MX1: variants seen among roughly 807,000 people sequenced by gnomAD.
MX1 encodes the protein interferon-induced GTP-binding protein Mx1.
Under a neutral mutation model 66.4 loss-of-function variants are expected in MX1, and 66 were observed. The ratio of observed to expected loss-of-function variants is 0.99; its 90% CI spans 0.82 to 1.22. The LOEUF (loss-of-function observed/expected upper bound fraction) is 1.22. MX1 is among the 50% of genes most tolerant of loss of function. The probability of loss-of-function intolerance (pLI) is 0.00; values close to 1 mark genes in which losing one functional copy is unlikely to be tolerated. For missense variants in MX1, 787 were observed against 834.3 expected (o/e 0.94, Z 0.70); for synonymous variants, 311 against 318.1 (o/e 0.98, Z 0.24).
intron 5 of MX1, among the ~76,000 whole-genome samples, chr21:41,433,624 G>A (rs1384411071): frequency 1.3e-5 from 2 of 152,102 alleles, no homozygotes; most frequent in African/African-American, 4.8e-5. Context: ...ATACCATTGT[G>A]GGAAAAACAT....
chr21:41,435,985 C>T lies in MX1; in HGVS notation c.254C>T (p.Ser85Phe). ...VIGDQSSGKS[S>F]VLEALSGVAL... is the part of the protein sequence containing the mutation. ...GGGGACCAGAGCTCGGGCAAGAGCT[C>T]CGTGTTGGAGGCACTGTCAGGAGTT... The change falls in exon 6 of 17, where the codon TCC becomes TTC. Residue 85 changes from serine (S) to phenylalanine (F), a missense_variant. By Grantham distance (155) the Ser-to-Phe change is radical (BLOSUM62 -2). Transcript: ENST00000398598. 2 of 1,614,246 alleles carry T rather than the reference C, an allele frequency of 1.2e-6. No individual in the cohort carries two copies. Among genetic ancestry groups the T allele is most frequent in the Non-Finnish European group, 1.7e-6 (2 of 1,180,042 alleles).
chr21:41,421,162 G>A (rs532643586), intron 1 of MX1, among the ~76,000 whole-genome samples: 81 of 152,202 alleles, frequency 5.3e-4, no homozygotes, highest in Non-Finnish European at 7.9e-4. Flanking sequence ...ACAGGGTAAA[G>A]AATCAAGTGC....
intron 16 of MX1, among the ~76,000 whole-genome samples, chr21:41,456,046 A>G (rs1430479873): frequency 2.0e-5 from 3 of 152,210 alleles, no homozygotes; most frequent in Non-Finnish European, 2.9e-5. Context: ...GTTTGAGACC[A>G]GCCTGGCCAA....
In MX1 at chr21:41,449,119, T is replaced by G. The variant is rs765175891; in HGVS notation, c.1274-18T>G. 45 of 1,555,998 alleles carry G rather than the reference T, an allele frequency of 2.9e-5. No homozygotes were observed. The highest frequency in any genetic ancestry group is 1.4e-4 in the East Asian group (6 of 43,380). On this transcript the variant is annotated intron_variant, in intron 13 of 16. Coordinates refer to ENST00000398598, the MANE Select transcript of MX1 (RefSeq NM_002462.5). ...TATTTTTGTAAAATAATTTAGAGGG[T>G]TTTTTTTCCTGCTATAGGCCATAAA...
At chr21:41,423,906 T>C (rs930473985), upstream of MX1, among the ~76,000 whole-genome samples, 2 of 152,240 alleles carry the variant, frequency 1.3e-5, no homozygotes, top group African/African-American at 2.4e-5. Context: ...CTGTGTTTCC[T>C]GGGCAGGGCG....
At chr21:41,421,461 G>A (rs1440960489), upstream of MX1, 4 of 154,894 alleles carry the variant, frequency 2.6e-5, no homozygotes, top group East Asian at 1.9e-4. Flanking sequence ...CCCTTCCCAC[G>A]AGGCCGTATT....
At chr21:41,445,765 G>A (rs976365791) in intron 12 of MX1, 195 bp downstream of exon 12, 2 of 837,994 alleles carry the variant, frequency 2.4e-6, no homozygotes, top group South Asian at 3.6e-5. Flanking sequence ...CAGCAGCGAG[G>A]GATGCTCAGG....
chr21:41,449,375 C>A, intron 14 of MX1, 80 bp downstream of exon 14: 3 of 1,457,148 alleles, frequency 2.1e-6, no homozygotes, highest in Non-Finnish European at 2.8e-6. Context: ...CAAACTTCAG[C>A]ACTTTCCTCC....
chr21:41,443,984 G>A, intron 11 of MX1, 118 bp downstream of exon 11: 1 of 981,820 alleles, frequency 1.0e-6, no homozygotes, highest in Non-Finnish European at 1.6e-6. Context: ...TTGTTAAGAT[G>A]CAGTTTCAGA....
chr21:41,434,399 TC>T (rs1489475319), intron 5 of MX1, among the ~76,000 whole-genome samples: 1 of 152,256 alleles, frequency 6.6e-6, no homozygotes, highest in Non-Finnish European at 1.5e-5. Flanking sequence ...TTCTTCTTTT[TC>T]AAAGTCATTT....
intron 8 of MX1, 45 bp downstream of exon 8, chr21:41,439,893 G>T (rs2090459792): frequency 3.8e-6 from 6 of 1,570,080 alleles, no homozygotes; most frequent in Non-Finnish European, 4.4e-6. Context: ...GCGTGGGGAT[G>T]GGGGAGTGGA....
upstream of MX1, chr21:41,422,653 A>T (rs1217575913): frequency 2.6e-5 from 4 of 152,222 alleles, no homozygotes; most frequent in African/African-American, 9.7e-5. Context: ...TGGTAGGAAA[A>T]AAAAAAGAGT....
chr21:41,421,148 A>G (rs148100276), intron 1 of MX1, among the ~76,000 whole-genome samples: 1 of 152,344 alleles, frequency 6.6e-6, no homozygotes, highest in African/African-American at 2.4e-5. Flanking sequence ...TCTTTGCATC[A>G]TAGACAGGGT....
At chr21:41,445,857 A>T in intron 12 of MX1, 143 bp from the exon 13 acceptor site, 1 of 1,107,886 alleles carries the variant, frequency 9.0e-7, no homozygotes, top group East Asian at 2.6e-5. Context: ...TAGTGCCAAA[A>T]CCTCTTCTTT....
intron 14 of MX1, among the ~76,000 whole-genome samples, chr21:41,450,018 G>C (rs1346580284): frequency 1.3e-5 from 2 of 152,170 alleles, no homozygotes; most frequent in African/African-American, 4.8e-5. Flanking sequence ...TACTCCTAAG[G>C]CTGGACATTC....
chr21:41,447,297 C>T (rs2090691017), intron 13 of MX1, among the ~76,000 whole-genome samples: 1 of 152,134 alleles, frequency 6.6e-6, no homozygotes, highest in Admixed American at 6.6e-5. Flanking sequence ...CCCTAGTGAC[C>T]TGATTTCAAT....
intron 16 of MX1, among the ~76,000 whole-genome samples, chr21:41,456,725 C>T (rs1384320264): frequency 6.6e-6 from 1 of 151,784 alleles, no homozygotes; most frequent in Non-Finnish European, 1.5e-5. Context: ...CCACACTGGC[C>T]GCTTTAGTCT....
intron 16 of MX1, among the ~76,000 whole-genome samples, chr21:41,456,328 TCTGCCATTTTGGGAGCTGGCAA>T (rs1448210853): frequency 6.6e-6 from 1 of 152,234 alleles, no homozygotes; most frequent in Non-Finnish European, 1.5e-5. Flanking sequence ...GGAATTGGCT[TCTGCCATTTTGGGAGCTGGCAA>T]GTCCAAAATC....
Position 41,441,955 on chromosome 21 carries a change from A to G in MX1, c.929+41A>G. ...TTTCATCATGGATCAGTCCAAGCCC[A>G]GGATGTCAGGCCTTCCAGGGGACAG... On this transcript the variant is annotated intron_variant, in intron 10 of 16. Coordinates refer to ENST00000398598, the MANE Select transcript of MX1 (RefSeq NM_002462.5). This position sits in a 1 kb window ranked among gnomAD's most constrained non-coding sequence, Gnocchi z 4.0. 1 of 1,607,334 alleles carries G rather than the reference A, an allele frequency of 6.2e-7. No homozygotes were observed. Among genetic ancestry groups the G allele is most frequent in the Non-Finnish European group, 8.5e-7 (1 of 1,174,250 alleles).
Sources: allele counts gnomAD v4.1 joint callset (sites outside exome capture counted in the v4.1 genomes callset), GRCh38; gene constraint gnomAD v4.1.1; non-coding constraint Gnocchi (gnomAD v3.1); transcripts MANE v1.5; gene names NCBI Gene and HGNC (gene_info 2026-07-23, HGNC 2026-07-21).